The following PCDH15 variants were observed in gnomAD, a reference collection of about 807,000 sequenced individuals.
PCDH15 encodes the protein protocadherin related 15.
In PCDH15, 129 loss-of-function variants were observed where a neutral mutation model predicts 178.5. That is an observed-to-expected ratio of 0.72 (90% CI 0.63 to 0.84). PCDH15 has a LOEUF of 0.84. Ranked by LOEUF, PCDH15 falls within the 40% of genes least tolerant of loss-of-function variation. The pLI is 0.00. For missense variants in PCDH15, 2,230 were observed against 2,099.9 expected (o/e 1.06, Z -1.21); for synonymous variants, 800 against 732.0 (o/e 1.09, Z -1.50).
At chr10:54,905,935 G>A (rs1954712568) in intron 2 of PCDH15, among the ~76,000 whole-genome samples, 2 of 152,058 alleles carry the variant, frequency 1.3e-5, no homozygotes, top group South Asian at 4.1e-4. Context: ...AATATACTCA[G>A]ATTAAGTTAA....
At chr10:54,199,073 C>G (rs1016482296) in intron 10 of PCDH15, among the ~76,000 whole-genome samples, 1 of 152,100 alleles carries the variant, frequency 6.6e-6, no homozygotes. Flanking sequence ...CAAATCAGAT[C>G]TATGAAGATA....
chr10:55,577,351 G>A (rs545320573), intron 2 of PCDH15, among the ~76,000 whole-genome samples: 1 of 152,076 alleles, frequency 6.6e-6, no homozygotes, highest in Non-Finnish European at 1.5e-5. Context: ...TAAAGGTTTA[G>A]AAAAATTTTT....
chr10:54,981,756 T>A (rs1441265163), intron 2 of PCDH15, among the ~76,000 whole-genome samples: 1 of 152,028 alleles, frequency 6.6e-6, no homozygotes. Flanking sequence ...TTACTTATTT[T>A]TCCTGGAACC....
chr10:54,852,389 G>A (rs533385498), intron 3 of PCDH15, among the ~76,000 whole-genome samples: 5 of 152,110 alleles, frequency 3.3e-5, no homozygotes, highest in Admixed American at 2.6e-4. Flanking sequence ...TGCAATAGAA[G>A]GTGGAAAATG....
intron 15 of PCDH15, among the ~76,000 whole-genome samples, chr10:54,114,238 G>A (rs11004077): frequency 0.031 from 4,675 of 151,872 alleles, 253 homozygotes; most frequent in African/African-American, 0.11. Flanking sequence ...CCCTGAATCC[G>A]CCATTTCCTA....
chr10:54,637,508 A>G (rs2093885019), intron 2 of PCDH15, among the ~76,000 whole-genome samples: 1 of 152,014 alleles, frequency 6.6e-6, no homozygotes, highest in Non-Finnish European at 1.5e-5. Context: ...TCAGTTAATA[A>G]CAGTTAATTG....
chr10:55,372,878 A>T (rs1845540260), intron 2 of PCDH15, among the ~76,000 whole-genome samples: 1 of 152,136 alleles, frequency 6.6e-6, no homozygotes, highest in Non-Finnish European at 1.5e-5. Context: ...ACGTAAAAAC[A>T]TTCTATTTAT....
chr10:54,013,179 G>A (rs10430536), intron 20 of PCDH15, among the ~76,000 whole-genome samples: 63,774 of 151,818 alleles, frequency 0.42, 14,628 homozygotes, highest in Middle Eastern at 0.65. Context: ...CTTACATAAT[G>A]GTAAAGGATA....
At chr10:55,409,829 T>C (rs187635572) in intron 2 of PCDH15, among the ~76,000 whole-genome samples, 6 of 152,020 alleles carry the variant, frequency 3.9e-5, no homozygotes, top group African/African-American at 7.2e-5. Context: ...AGAATGAACA[T>C]GGGGACTGGA....
At chr10:55,314,517 C>T (rs1012038353) in intron 1 of PCDH15, among the ~76,000 whole-genome samples, 3 of 151,492 alleles carry the variant, frequency 2.0e-5, no homozygotes, top group Non-Finnish European at 2.9e-5. Context: ...TCTTACTATC[C>T]GACACTGCCT....
intron 3 of PCDH15, among the ~76,000 whole-genome samples, chr10:54,395,249 A>G (rs2135391781): frequency 6.6e-6 from 1 of 152,284 alleles, no homozygotes; most frequent in African/African-American, 2.4e-5. Flanking sequence ...AAATTATAAA[A>G]GTATTAATTT....
chr10:55,473,997 G>A (rs1462607997), intron 2 of PCDH15, among the ~76,000 whole-genome samples: 1 of 152,122 alleles, frequency 6.6e-6, no homozygotes, highest in East Asian at 1.9e-4. Flanking sequence ...CTAATGGTCA[G>A]CAAGTGGAAA....
Position 53,827,305 on chromosome 10 carries a change from T to C in PCDH15, c.4367+88A>G, listed in dbSNP as rs45466098. On this transcript the variant is annotated intron_variant, in intron 32 of 37. Coordinates refer to ENST00000644397, the MANE Select transcript of PCDH15 (RefSeq NM_001384140.1). ...ATAAAATAAATAGTCCATGTAGGCA[T>C]TTCCACATCAGATTGAAATTAAATA... 0.01 allele frequency: 15,349 copies of C among 1,471,340 alleles called. 123 individuals are homozygous for C. The highest frequency in any genetic ancestry group is 0.024 in the Middle Eastern group (132 of 5,444). The allele number at this position is 1,471,340 out of a possible 1,614,324, so 91.1% of individuals were successfully genotyped here.
chr10:54,646,407 A>T (rs1449033951), intron 2 of PCDH15, among the ~76,000 whole-genome samples: 1 of 152,096 alleles, frequency 6.6e-6, no homozygotes, highest in Non-Finnish European at 1.5e-5. Flanking sequence ...GGACAACTGT[A>T]TTTTTATCCC....
chr10:54,173,453 T>G (rs2047107611), intron 13 of PCDH15, among the ~76,000 whole-genome samples: 1 of 152,194 alleles, frequency 6.6e-6, no homozygotes, highest in South Asian at 2.1e-4. Context: ...TTGAAGTGAT[T>G]CTTCTGAATA....
At chr10:54,388,471 A>G (rs1405510699) in intron 3 of PCDH15, among the ~76,000 whole-genome samples, 1 of 152,092 alleles carries the variant, frequency 6.6e-6, no homozygotes, top group Admixed American at 6.6e-5. Context: ...CTGCATAGCT[A>G]TTCAGGAGAG....
intron 1 of PCDH15, among the ~76,000 whole-genome samples, chr10:55,174,226 T>C (rs367941506): frequency 2.0e-5 from 3 of 152,142 alleles, no homozygotes; most frequent in Non-Finnish European, 2.9e-5. Flanking sequence ...TGAATACTGA[T>C]GCTAGCAACA....
intron 3 of PCDH15, among the ~76,000 whole-genome samples, chr10:54,860,036 G>A (rs1230992699): frequency 6.6e-6 from 1 of 151,890 alleles, no homozygotes; most frequent in Non-Finnish European, 1.5e-5. Context: ...AAGCAAAAAT[G>A]GTTTGTTTCT....
intron 6 of PCDH15, among the ~76,000 whole-genome samples, chr10:54,331,885 A>T (rs565940892): frequency 6.6e-4 from 100 of 152,046 alleles, no homozygotes; most frequent in African/African-American, 2.3e-3. Context: ...CTCTTTTACC[A>T]GGAAGTATTT....
Sources: allele counts gnomAD v4.1 joint callset (sites outside exome capture counted in the v4.1 genomes callset), GRCh38; gene constraint gnomAD v4.1.1; transcripts MANE v1.5; gene names NCBI Gene and HGNC (gene_info 2026-07-23, HGNC 2026-07-21).